MAF: variants seen among roughly 807,000 people sequenced by gnomAD.
MAF encodes MAF bZIP transcription factor, also known as transcription factor Maf.
MAF carries 10 observed loss-of-function variants against 22.0 expected under a neutral mutation model. The observed-to-expected ratio is 0.45, with a 90% confidence interval of 0.28 to 0.77. The LOEUF is 0.77. Among genes scored for constraint, MAF ranks in the 30% least tolerant of loss-of-function variants. MAF has a pLI of 0.12. For missense variants in MAF, 544 were observed against 548.4 expected (o/e 0.99, Z 0.08); for synonymous variants, 337 against 255.8 (o/e 1.32, Z -3.03).
At chr16:79,417,182 T>G in the MAF span, among the ~76,000 whole-genome samples, 1 of 152,226 alleles carries the variant, frequency 6.6e-6, no homozygotes, top group African/African-American at 2.4e-5. Context: ...TCCAGCAGAC[T>G]TGGGCGTTCA....
At chr16:79,226,876 G>A in the MAF span, among the ~76,000 whole-genome samples, 1 of 152,064 alleles carries the variant, frequency 6.6e-6, no homozygotes, top group Non-Finnish European at 1.5e-5. Context: ...ACGGCTGTGA[G>A]CTGACTCAGG....
chr16:79,433,244 T>C, the MAF span, among the ~76,000 whole-genome samples: 678 of 140,694 alleles, frequency 4.8e-3, 1 homozygote, highest in Middle Eastern at 0.011. Flanking sequence ...TTAAGGGAAA[T>C]ACATAATGTA....
the MAF span, among the ~76,000 whole-genome samples, chr16:79,411,103 C>T: frequency 6.6e-6 from 1 of 152,162 alleles, no homozygotes; most frequent in African/African-American, 2.4e-5. Context: ...ACCAACTCCT[C>T]CCTTGTCCCA....
the MAF span, among the ~76,000 whole-genome samples, chr16:79,327,931 C>G: frequency 2.6e-5 from 4 of 152,196 alleles, no homozygotes; most frequent in Admixed American, 6.5e-5. Flanking sequence ...TAGGTGCCAA[C>G]CAGACTTACG....
the MAF span, among the ~76,000 whole-genome samples, chr16:79,452,082 G>T: frequency 6.6e-6 from 1 of 152,112 alleles, no homozygotes; most frequent in Non-Finnish European, 1.5e-5. Context: ...TTTACATATG[G>T]TCTCTGATTG....
the MAF span, among the ~76,000 whole-genome samples, chr16:79,572,269 G>A: frequency 6.6e-6 from 1 of 152,156 alleles, no homozygotes; most frequent in Non-Finnish European, 1.5e-5. Flanking sequence ...GGTGTGTGGA[G>A]GGACGTGCCA....
the MAF span, among the ~76,000 whole-genome samples, chr16:79,530,547 G>C: frequency 2.0e-5 from 3 of 152,184 alleles, no homozygotes; most frequent in African/African-American, 7.2e-5. Context: ...TTCATTTTAA[G>C]TGTGTTTCCA....
chr16:79,466,458 T>A, the MAF span, among the ~76,000 whole-genome samples: 3 of 152,154 alleles, frequency 2.0e-5, no homozygotes, highest in African/African-American at 7.2e-5. Flanking sequence ...TATTCAAGCA[T>A]CTTGAGTAGC....
At chr16:79,564,392 G>C in the MAF span, among the ~76,000 whole-genome samples, 3 of 152,192 alleles carry the variant, frequency 2.0e-5, no homozygotes, top group African/African-American at 7.2e-5. Flanking sequence ...GTTTATAGCC[G>C]AATAAGGTCA....
At chr16:79,302,691 G>A in the MAF span, among the ~76,000 whole-genome samples, 136 of 152,324 alleles carry the variant, frequency 8.9e-4, 3 homozygotes, top group East Asian at 0.026. Context: ...CGCTCTAGAA[G>A]ACCTTTTATC....
the MAF span, among the ~76,000 whole-genome samples, chr16:79,563,858 C>G: frequency 6.6e-6 from 1 of 152,210 alleles, no homozygotes; most frequent in African/African-American, 2.4e-5. Flanking sequence ...AAGTAAAAAG[C>G]CTTCTACTCC....
chr16:79,222,824 C>A, the MAF span, among the ~76,000 whole-genome samples: 1 of 152,138 alleles, frequency 6.6e-6, no homozygotes, highest in Non-Finnish European at 1.5e-5. Flanking sequence ...ACTAACTATC[C>A]TAAATATATA....
At chr16:79,564,707 G>C in the MAF span, among the ~76,000 whole-genome samples, 1 of 152,152 alleles carries the variant, frequency 6.6e-6, no homozygotes, top group Non-Finnish European at 1.5e-5. Flanking sequence ...AGACAGTGTG[G>C]CTGTGGGGAA....
At chr16:79,465,827 G>C in the MAF span, among the ~76,000 whole-genome samples, 2 of 152,212 alleles carry the variant, frequency 1.3e-5, no homozygotes, top group Middle Eastern at 6.8e-3. Context: ...AAATGGGGTG[G>C]TACAGGAAAA....
the MAF span, among the ~76,000 whole-genome samples, chr16:79,472,325 C>T: frequency 6.6e-6 from 1 of 152,274 alleles, no homozygotes; most frequent in East Asian, 1.9e-4. Flanking sequence ...TGTGAATTCA[C>T]TCATAAAGAC....
chr16:79,389,229 C>G, the MAF span, among the ~76,000 whole-genome samples: 1 of 152,164 alleles, frequency 6.6e-6, no homozygotes, highest in Non-Finnish European at 1.5e-5. Flanking sequence ...CTTGGAGTCT[C>G]TCCCACTGGC....
the MAF span, among the ~76,000 whole-genome samples, chr16:79,547,897 T>C: frequency 1.4e-4 from 6 of 43,286 alleles, no homozygotes; most frequent in Non-Finnish European, 3.0e-4. Flanking sequence ...TGTGTGTGTG[T>C]GTGTGAGAGA....
At chr16:79,521,238 T>C in the MAF span, among the ~76,000 whole-genome samples, 3 of 152,222 alleles carry the variant, frequency 2.0e-5, no homozygotes, top group Non-Finnish European at 4.4e-5. Context: ...TACTTTTCGT[T>C]AATAGAATCG....
the MAF span, among the ~76,000 whole-genome samples, chr16:79,220,501 T>TAA: frequency 6.6e-6 from 1 of 152,178 alleles, no homozygotes; most frequent in Admixed American, 6.6e-5. Flanking sequence ...TATTTTAAAA[T>TAA]AATTTAATGC....
Sources: allele counts gnomAD v4.1 joint callset (sites outside exome capture counted in the v4.1 genomes callset), GRCh38; gene constraint gnomAD v4.1.1; transcripts MANE v1.5; gene names NCBI Gene and HGNC (gene_info 2026-07-23, HGNC 2026-07-21).